PAPPA: variants seen among roughly 807,000 people sequenced by gnomAD.
PAPPA encodes the protein pappalysin-1.
A neutral mutation model predicts 164.0 loss-of-function variants in PAPPA; 60 were observed. The observed-to-expected ratio is 0.37, with a 90% CI of 0.30 to 0.45. PAPPA has a LOEUF of 0.45. PAPPA is among the 20% of genes least tolerant of loss of function. PAPPA has a pLI of 1.00. For synonymous variants in PAPPA, 875 were observed against 814.1 expected (o/e 1.07, Z -1.27); for missense variants, 1,782 against 2,087.3 (o/e 0.85, Z 2.85).
At chr9:116,219,532 A>C (rs1844416207) in intron 4 of PAPPA, among the ~76,000 whole-genome samples, 1 of 152,210 alleles carries the variant, frequency 6.6e-6, no homozygotes, top group African/African-American at 2.4e-5. Context: ...TGAATGAATG[A>C]ATGAATGAGA....
At chr9:116,186,202 T>TTA (rs1265778790) in intron 1 of PAPPA, among the ~76,000 whole-genome samples, 1 of 102,920 alleles carries the variant, frequency 9.7e-6, no homozygotes, top group East Asian at 2.8e-4. Flanking sequence ...AAGGCACTCA[T>TTA]TATATGTGTG....
Position 116,398,369 on chromosome 9 carries a change from G to A in PAPPA, c.*1753G>A, listed in dbSNP as rs916472301. On this transcript the variant is annotated 3_prime_UTR_variant, in exon 22 of 22. Coordinates refer to ENST00000328252, the MANE Select transcript of PAPPA (RefSeq NM_002581.5). ...ATCAAGTCATCTCAAGTCTAGTGAA[G>A]ACAGCCAACAGAAACAAAACCTAGC... The A allele has an allele frequency of 6.0e-5, 20 of 333,382 alleles. No homozygotes were observed. The highest frequency in any genetic ancestry group is 4.1e-4 in the African/African-American group (19 of 45,844). 20.7% of individuals were successfully genotyped at this position (333,382 alleles called of 1,614,324 possible). A position where few individuals can be genotyped will look rare whatever the true frequency, so the allele number is the denominator to read the frequency against.
At chr9:116,320,953 T>G (rs972496941) in intron 10 of PAPPA, among the ~76,000 whole-genome samples, 4 of 152,176 alleles carry the variant, frequency 2.6e-5, no homozygotes, top group Non-Finnish European at 4.4e-5. Flanking sequence ...GAACCTGAAG[T>G]TGGAAGATTT....
At chr9:116,370,919 G>A (rs1846564430) in intron 19 of PAPPA, among the ~76,000 whole-genome samples, 1 of 152,164 alleles carries the variant, frequency 6.6e-6, no homozygotes, top group South Asian at 2.1e-4. Context: ...TGATTGCTGA[G>A]TCAGATGACC....
chr9:116,248,654 T>G (rs548348791), intron 7 of PAPPA, among the ~76,000 whole-genome samples: 1 of 152,326 alleles, frequency 6.6e-6, no homozygotes, highest in Non-Finnish European at 1.5e-5. Flanking sequence ...GCATTTTTCC[T>G]GGATGGCATT....
At chr9:116,373,182 T>C (rs1238822121) in intron 19 of PAPPA, 2 of 152,130 alleles carry the variant, frequency 1.3e-5, no homozygotes, top group Non-Finnish European at 2.9e-5. Flanking sequence ...GGGAAGCCCA[T>C]AGACAAAGAG....
At chr9:116,369,324 C>A (rs1846542708) in intron 19 of PAPPA, among the ~76,000 whole-genome samples, 1 of 152,138 alleles carries the variant, frequency 6.6e-6, no homozygotes, top group Non-Finnish European at 1.5e-5. Flanking sequence ...ATGCAGGGAG[C>A]CCACATGTCA....
intron 6 of PAPPA, among the ~76,000 whole-genome samples, chr9:116,234,830 T>C (rs1844640131): frequency 6.6e-6 from 1 of 152,180 alleles, no homozygotes; most frequent in Non-Finnish European, 1.5e-5. Context: ...CTTTACTTCT[T>C]TTCATCTTAG....
At chr9:116,155,497 G>A (rs1342590307) in intron 1 of PAPPA, among the ~76,000 whole-genome samples, 2 of 152,218 alleles carry the variant, frequency 1.3e-5, no homozygotes. Flanking sequence ...CTGGAAGAGA[G>A]GAGGAAAGTT....
chr9:116,274,781 C>T (rs1845177826), intron 9 of PAPPA, among the ~76,000 whole-genome samples: 1 of 152,226 alleles, frequency 6.6e-6, no homozygotes, highest in Admixed American at 6.5e-5. Context: ...CCAAGCATCT[C>T]CTTCTCCCCG....
intron 5 of PAPPA, among the ~76,000 whole-genome samples, chr9:116,222,629 T>C (rs1844459717): frequency 6.6e-6 from 1 of 152,034 alleles, no homozygotes; most frequent in African/African-American, 2.4e-5. Flanking sequence ...CACGTATATG[T>C]GGAATCTAAA....
chr9:116,402,299 T>C lies in PAPPA; in HGVS notation c.*5683T>C, dbSNP rs1331829882. 2 of 152,532 alleles carry C rather than the reference T, an allele frequency of 1.3e-5. No homozygotes were observed. The highest frequency in any genetic ancestry group is 2.9e-5 in the Non-Finnish European group (2 of 68,012). 9.4% of individuals were successfully genotyped at this position (152,532 alleles called of 1,614,324 possible). On this transcript the variant is annotated 3_prime_UTR_variant, in exon 22 of 22. Coordinates refer to ENST00000328252, the MANE Select transcript of PAPPA (RefSeq NM_002581.5). ...ACTTTAAAGTTCTATATTATGAAAA[T>C]ATATAATAGCTTGTACGCTTCAGTG...
At chr9:116,283,834 C>T (rs1845297300) in intron 9 of PAPPA, among the ~76,000 whole-genome samples, 3 of 152,046 alleles carry the variant, frequency 2.0e-5, no homozygotes, top group South Asian at 2.1e-4. Flanking sequence ...ATCCCTTTTC[C>T]ATTTGTCCCG....
At chr9:116,325,703 G>A (rs1286434941) in intron 10 of PAPPA, among the ~76,000 whole-genome samples, 2 of 152,130 alleles carry the variant, frequency 1.3e-5, no homozygotes, top group African/African-American at 4.8e-5. Context: ...AGAAGAGAAT[G>A]GTGTTGGGCA....
chr9:116,369,509 C>T (rs931025654), intron 19 of PAPPA, among the ~76,000 whole-genome samples: 2 of 152,080 alleles, frequency 1.3e-5, no homozygotes, highest in Non-Finnish European at 2.9e-5. Context: ...TTTTCCCACC[C>T]GAACTCCCAC....
intron 4 of PAPPA, among the ~76,000 whole-genome samples, chr9:116,213,704 T>C (rs1844337656): frequency 6.6e-6 from 1 of 152,010 alleles, no homozygotes. Context: ...TAAAGGGTGA[T>C]TGATTTACTA....
chr9:116,347,340 CT>C lies in PAPPA; in HGVS notation c.3964+132del. The C allele has an allele frequency of 4.4e-6, 3 of 683,998 alleles. No homozygotes were observed. Among genetic ancestry groups the C allele is most frequent in the Non-Finnish European group, 7.2e-6 (3 of 417,956 alleles). 42.4% of individuals were successfully genotyped at this position (683,998 alleles called of 1,614,324 possible). On this transcript the variant is annotated intron_variant, in intron 15 of 21. Coordinates refer to ENST00000328252, the MANE Select transcript of PAPPA (RefSeq NM_002581.5). The surrounding 1 kb of genome is among the most constrained non-coding windows in gnomAD (Gnocchi z 4.5). ...TTTTATCTATGCTCCTGACTTCTTCCTACTAATTGTATTTATGTAAACTGCC... is the reference window on the plus strand; with the variant it reads ...TTTTATCTATGCTCCTGACTTCTTCCACTAATTGTATTTATGTAAACTGCC...
chr9:116,394,195 C>A (rs964328341), intron 21 of PAPPA, among the ~76,000 whole-genome samples: 1 of 151,786 alleles, frequency 6.6e-6, no homozygotes, highest in East Asian at 1.9e-4. Flanking sequence ...GGAAGGTGGG[C>A]GGTGGGGGAC....
rs1847058986 is a variant in PAPPA at position 116,401,717 on chromosome 9, T to A, written c.*5101T>A. ...ATATTATACCTTTTTATTATTGTTA[T>A]AATTATTATGGGTATTTCTAATTAA... is the stretch of plus-strand genomic sequence containing the variant. On this transcript the variant is annotated 3_prime_UTR_variant, in exon 22 of 22. Transcript: ENST00000328252. 6.6e-6 allele frequency: 1 copy of A among 151,716 alleles called. No individual in the cohort carries two copies. Among genetic ancestry groups the A allele is most frequent in the Non-Finnish European group, 1.5e-5 (1 of 67,876 alleles). The allele number at this position is 151,716 out of a possible 1,614,324, so 9.4% of individuals were successfully genotyped here.
Sources: allele counts gnomAD v4.1 joint callset (sites outside exome capture counted in the v4.1 genomes callset), GRCh38; gene constraint gnomAD v4.1.1; non-coding constraint Gnocchi (gnomAD v3.1); transcripts MANE v1.5; gene names NCBI Gene and HGNC (gene_info 2026-07-23, HGNC 2026-07-21).